WWOX: variants seen among roughly 807,000 people sequenced by gnomAD.
The protein encoded by WWOX is WW domain containing oxidoreductase.
Under a neutral mutation model 46.2 loss-of-function variants are expected in WWOX, and 69 were observed. The ratio of observed to expected loss-of-function variants is 1.49; its 90% confidence interval spans 1.23 to 1.82. WWOX has a LOEUF of 1.82. Ranked by LOEUF, WWOX falls within the 40% of genes most tolerant of loss-of-function variation. The pLI, the probability that WWOX is intolerant of heterozygous loss-of-function variation, is 0.00. For synonymous variants in WWOX, 359 were observed against 202.6 expected (o/e 1.77, Z -6.56); for missense variants, 919 against 542.6 (o/e 1.69, Z -6.89).
intron 5 of WWOX, among the ~76,000 whole-genome samples, chr16:78,248,287 A>G (rs1414170170): frequency 6.6e-6 from 1 of 152,138 alleles, no homozygotes; most frequent in African/African-American, 2.4e-5. Flanking sequence ...GGAGCAAGAG[A>G]GGGAGCAAGG....
At chr16:78,718,595 T>C (rs567984191) in intron 8 of WWOX, among the ~76,000 whole-genome samples, 1 of 152,198 alleles carries the variant, frequency 6.6e-6, no homozygotes, top group Non-Finnish European at 1.5e-5. Flanking sequence ...TAATCCTAGG[T>C]ACTCTGGAGG....
chr16:78,516,812 AAG>A (rs1222703653), intron 8 of WWOX, among the ~76,000 whole-genome samples: 3 of 152,176 alleles, frequency 2.0e-5, no homozygotes, highest in African/African-American at 7.2e-5. Context: ...CTACTAAGAG[AAG>A]AGAGGTGTTA....
chr16:78,602,483 C>T (rs532853276), intron 8 of WWOX, among the ~76,000 whole-genome samples: 3 of 152,306 alleles, frequency 2.0e-5, no homozygotes, highest in South Asian at 2.1e-4. Context: ...CCACCCACCT[C>T]GGCCTCTCAA....
intron 8 of WWOX, among the ~76,000 whole-genome samples, chr16:78,499,934 C>T (rs1456435058): frequency 6.6e-6 from 1 of 152,102 alleles, no homozygotes; most frequent in East Asian, 1.9e-4. Context: ...TTAAGTAGTA[C>T]CAAATGGTCC....
intron 6 of WWOX, among the ~76,000 whole-genome samples, chr16:78,414,564 TAAAA>T (rs935654388): frequency 6.6e-6 from 1 of 151,976 alleles, no homozygotes; most frequent in Non-Finnish European, 1.5e-5. Context: ...GAAACTGTCT[TAAAA>T]CAAACAAACA....
intron 8 of WWOX, among the ~76,000 whole-genome samples, chr16:79,042,926 G>C (rs1240381463): frequency 6.6e-6 from 1 of 152,150 alleles, no homozygotes. Context: ...AGAATTTCAT[G>C]ATGAGCAAAT....
intron 8 of WWOX, among the ~76,000 whole-genome samples, chr16:78,979,687 G>T (rs1461217271): frequency 6.6e-6 from 1 of 152,136 alleles, no homozygotes; most frequent in Non-Finnish European, 1.5e-5. Context: ...CTCAGAGCCT[G>T]TGTAGCCGTC....
chr16:78,750,162 A>G (rs536669647), intron 8 of WWOX, among the ~76,000 whole-genome samples: 2 of 152,374 alleles, frequency 1.3e-5, no homozygotes, highest in South Asian at 4.1e-4. Flanking sequence ...CGGTGAAAGT[A>G]GAGGTGTTTG....
intron 8 of WWOX, among the ~76,000 whole-genome samples, chr16:78,470,605 C>A (rs559297905): frequency 6.6e-6 from 1 of 152,198 alleles, no homozygotes; most frequent in Admixed American, 6.5e-5. Context: ...TCTTGACTTA[C>A]TGAAACCTCC....
chr16:78,214,301 T>G (rs2036649948), intron 5 of WWOX, among the ~76,000 whole-genome samples: 1 of 150,986 alleles, frequency 6.6e-6, no homozygotes, highest in Non-Finnish European at 1.5e-5. Context: ...AGCCAAGTAC[T>G]GAACCTCTCT....
At chr16:78,283,136 AC>A (rs1226479415) in intron 5 of WWOX, among the ~76,000 whole-genome samples, 1 of 152,142 alleles carries the variant, frequency 6.6e-6, no homozygotes, top group Non-Finnish European at 1.5e-5. Context: ...GCTAATTCTT[AC>A]AGCTTCTGGG....
At chr16:78,388,830 G>A (rs1354188410) in intron 6 of WWOX, among the ~76,000 whole-genome samples, 5 of 151,746 alleles carry the variant, frequency 3.3e-5, no homozygotes, top group African/African-American at 1.2e-4. Context: ...TTAACTGGGC[G>A]GGGAGGCACA....
intron 8 of WWOX, among the ~76,000 whole-genome samples, chr16:78,882,597 TCCCGAGTAGC>T: frequency 3.0e-5 from 1 of 32,848 alleles, no homozygotes; most frequent in Non-Finnish European, 6.1e-5. Context: ...TCTCCTCGCC[TCCCGAGTAGC>T]CTCCCGAGTA....
At chr16:78,929,437 A>C (rs1432106335) in intron 8 of WWOX, among the ~76,000 whole-genome samples, 1 of 152,192 alleles carries the variant, frequency 6.6e-6, no homozygotes, top group African/African-American at 2.4e-5. Flanking sequence ...AGGATTTTGA[A>C]GAGGAACTGC....
intron 8 of WWOX, among the ~76,000 whole-genome samples, chr16:78,841,006 G>A (rs1032115554): frequency 1.3e-5 from 2 of 151,990 alleles, no homozygotes; most frequent in Admixed American, 6.6e-5. Context: ...TGGGGTCCAC[G>A]GGTCCATCCT....
chr16:78,610,260 G>T (rs1480703783), intron 8 of WWOX, among the ~76,000 whole-genome samples: 1 of 152,090 alleles, frequency 6.6e-6, no homozygotes, highest in South Asian at 2.1e-4. Flanking sequence ...TCTTCCCAGA[G>T]ATATGAAGTA....
chr16:78,913,193 C>T (rs1291798757), intron 8 of WWOX, among the ~76,000 whole-genome samples: 1 of 151,988 alleles, frequency 6.6e-6, no homozygotes, highest in Admixed American at 6.6e-5. Flanking sequence ...TCCGAGACCT[C>T]ATCCTTGCAG....
Position 78,941,495 on chromosome 16 carries a change from A to G in WWOX, c.1057-270113A>G, listed in dbSNP as rs2045850853. ...TTTTTTGTCAGTAGAGGGTGAAAAC[A>G]TTATTGGATTCAGGAGTTCATAGTA... On this transcript the variant is annotated intron_variant, in intron 8 of 8. Transcript: ENST00000566780. Among the ~76,000 whole-genome samples, 3 of 151,198 alleles carry G rather than the reference A, an allele frequency of 2.0e-5. No homozygotes were observed. The South Asian group carries it at 6.3e-4, about 32-fold the overall frequency.
chr16:78,502,235 A>G (rs1049866601), intron 8 of WWOX, among the ~76,000 whole-genome samples: 1 of 152,144 alleles, frequency 6.6e-6, no homozygotes, highest in African/African-American at 2.4e-5. Context: ...AAGGTGTACA[A>G]TTCAATGGCT....
Sources: allele counts gnomAD v4.1 joint callset (sites outside exome capture counted in the v4.1 genomes callset), GRCh38; gene constraint gnomAD v4.1.1; transcripts MANE v1.5; gene names NCBI Gene and HGNC (gene_info 2026-07-23, HGNC 2026-07-21).